The following ASTN2 variants were observed in gnomAD, a reference collection of about 807,000 sequenced individuals.
The protein encoded by ASTN2 is astrotactin-2.
ASTN2 carries 54 observed loss-of-function variants against 139.8 expected under a neutral mutation model. The observed-to-expected ratio is 0.39, with a 90% CI of 0.31 to 0.48. The LOEUF (loss-of-function observed/expected upper bound fraction) is 0.48, where lower values mean the gene tolerates loss of function less well. Ranked by LOEUF, ASTN2 falls within the 20% of genes least tolerant of loss-of-function variation. The pLI is 0.95. For missense variants in ASTN2, 1,565 were observed against 1,725.1 expected, an observed-to-expected ratio of 0.91 and a Z score of 1.64; for synonymous variants, 756 against 719.5, an observed-to-expected ratio of 1.05 and a Z score of -0.81.
In ASTN2 at chr9:116,725,679, G is replaced by A. The variant is rs1024601618; in HGVS notation, c.2806+92C>T. ...CACAGCTTAGACGTGGCAGAGCCAGGATTTAGATCCAAGGCAGCTCAGTTG... is the reference window on the plus strand; with the variant it reads ...CACAGCTTAGACGTGGCAGAGCCAGAATTTAGATCCAAGGCAGCTCAGTTG... On this transcript the variant is annotated intron_variant, in intron 16 of 22. Coordinates refer to ENST00000313400, the MANE Select transcript of ASTN2 (RefSeq NM_001365068.1). 3.0e-6 allele frequency: 4 copies of A among 1,343,430 alleles called. No individual in the cohort carries two copies. The African/African-American group carries it at 5.8e-5, about 20-fold the overall frequency. 83.2% of individuals were successfully genotyped at this position (1,343,430 alleles called of 1,614,324 possible).
chr9:116,620,237 C>T, intron 18 of ASTN2, 73 bp downstream of exon 18: 1 of 1,604,090 alleles, frequency 6.2e-7, no homozygotes, highest in Non-Finnish European at 8.5e-7. Flanking sequence ...CAAGTCATGG[C>T]ATGGGCTGGC....
chr9:116,700,026 T>A (rs1861095428), intron 16 of ASTN2: 2 of 396,448 alleles, frequency 5.0e-6, no homozygotes, highest in South Asian at 6.9e-5. Flanking sequence ...GTTTGAAATT[T>A]GCCCTTGTAT....
Position 116,803,522 on chromosome 9 carries a change from ATTTTTTTTTTT to A in ASTN2, c.2396+2099_2396+2109del, listed in dbSNP as rs1158429877. On this transcript the variant is annotated intron_variant, in intron 13 of 22. Transcript: ENST00000313400. ...TATATATATATATATATATATATAT[ATTTTTTTTTTT>A]TTTTTTTTTTAGACGGAGTCTCACT... 4.7e-4 allele frequency among the ~76,000 whole-genome samples: 10 copies of A among 21,132 alleles called. No homozygotes were observed. In the East Asian group the frequency reaches 5.1e-3, roughly 11 times the overall value. 13.9% of individuals were successfully genotyped at this position (21,132 alleles called of 152,430 possible). A position where few individuals can be genotyped will look rare whatever the true frequency, so the allele number is the denominator to read the frequency against.
intron 20 of ASTN2, among the ~76,000 whole-genome samples, chr9:116,453,493 C>CTGAGGTGGAA (rs1848234664): frequency 1.4e-5 from 2 of 141,356 alleles, no homozygotes; most frequent in African/African-American, 5.2e-5. Flanking sequence ...ACTTGGGAGG[C>CTGAGGTGGAA]TGAGGTGGAA....
chr9:116,982,295 ACAC>A (rs1836532647), intron 7 of ASTN2, among the ~76,000 whole-genome samples: 1 of 152,204 alleles, frequency 6.6e-6, no homozygotes, highest in Non-Finnish European at 1.5e-5. Context: ...AATGGAGCTG[ACAC>A]CATATGCCTG....
intron 11 of ASTN2, among the ~76,000 whole-genome samples, chr9:116,854,128 C>T (rs1832678986): frequency 6.6e-6 from 1 of 152,176 alleles, no homozygotes; most frequent in African/African-American, 2.4e-5. Flanking sequence ...TTTTCTCTGG[C>T]TCAGTTTTCC....
At chr9:117,086,804 A>G (rs988447047) in intron 5 of ASTN2, among the ~76,000 whole-genome samples, 1 of 152,130 alleles carries the variant, frequency 6.6e-6, no homozygotes. Context: ...TGGGTCCTCT[A>G]GCTAACCCTT....
chr9:116,975,020 A>T (rs540406850), intron 10 of ASTN2, among the ~76,000 whole-genome samples, 188 bp downstream of exon 10: 2 of 152,326 alleles, frequency 1.3e-5, no homozygotes, highest in South Asian at 4.1e-4. Context: ...ATAGTGTTGA[A>T]ACGTAAGGCA....
At chr9:116,767,221 C>T (rs1054229004) in intron 13 of ASTN2, among the ~76,000 whole-genome samples, 15 of 152,224 alleles carry the variant, frequency 9.9e-5, no homozygotes, top group African/African-American at 3.6e-4. Flanking sequence ...AGAATTGACT[C>T]AATGGGAACC....
chr9:117,269,282 G>C (rs1464505090), intron 2 of ASTN2, among the ~76,000 whole-genome samples: 1 of 152,234 alleles, frequency 6.6e-6, no homozygotes, highest in Non-Finnish European at 1.5e-5. Context: ...GCCCCCAGTT[G>C]AGAGACTATG....
At chr9:116,839,507 T>G (rs1832126168) in intron 11 of ASTN2, among the ~76,000 whole-genome samples, 1 of 151,774 alleles carries the variant, frequency 6.6e-6, no homozygotes, top group Non-Finnish European at 1.5e-5. Context: ...TGAGACAGAG[T>G]CTCGCTCTGT....
At chr9:116,741,989 G>A (rs983875928) in intron 13 of ASTN2, among the ~76,000 whole-genome samples, 5 of 151,984 alleles carry the variant, frequency 3.3e-5, no homozygotes, top group African/African-American at 1.2e-4. Flanking sequence ...TATTTGTCAG[G>A]CATTAGGAAT....
chr9:116,829,560 T>G (rs939015163), intron 11 of ASTN2, among the ~76,000 whole-genome samples: 1 of 152,040 alleles, frequency 6.6e-6, no homozygotes, highest in African/African-American at 2.4e-5. Flanking sequence ...CTTATAATCA[T>G]GAAGAGGAAA....
At chr9:116,757,802 A>T (rs1474796908) in intron 13 of ASTN2, among the ~76,000 whole-genome samples, 1 of 152,164 alleles carries the variant, frequency 6.6e-6, no homozygotes, top group Non-Finnish European at 1.5e-5. Flanking sequence ...GGCCCAGTGG[A>T]TGAGACCAAT....
At chr9:117,016,908 C>A (rs1837730922) in intron 6 of ASTN2, among the ~76,000 whole-genome samples, 1 of 151,016 alleles carries the variant, frequency 6.6e-6, no homozygotes, top group East Asian at 2.0e-4. Flanking sequence ...CAAATTTGCT[C>A]CAGGCAAATG....
At chr9:116,685,254 G>A (rs746695111) in intron 16 of ASTN2, among the ~76,000 whole-genome samples, 4 of 151,860 alleles carry the variant, frequency 2.6e-5, no homozygotes, top group Non-Finnish European at 4.4e-5. Flanking sequence ...AGACAGCTTC[G>A]ACTCCCTATG....
chr9:116,916,825 C>T (rs1008093987), intron 10 of ASTN2, among the ~76,000 whole-genome samples: 2 of 152,030 alleles, frequency 1.3e-5, no homozygotes, highest in African/African-American at 4.8e-5. Flanking sequence ...GGGTGAGACC[C>T]AGTCTCAAAA....
In ASTN2 at chr9:117,060,398, GAAA is replaced by G. The variant is rs1564406378; in HGVS notation, c.1277-20436_1277-20434del. ...AGAAAGAAAGAAAGAAAGAAAGAAA[GAAA>G]GAAAGAAAGAAGGAAAGGAAGGAAG... On this transcript the variant is annotated intron_variant, in intron 5 of 22. Coordinates refer to ENST00000313400, the MANE Select transcript of ASTN2 (RefSeq NM_001365068.1). Among the ~76,000 whole-genome samples the G allele has an allele frequency of 5.6e-3, 428 of 75,764 alleles. 14 individuals are homozygous for G. The highest frequency in any genetic ancestry group is 0.02 in the African/African-American group (298 of 14,702). 49.7% of individuals were successfully genotyped at this position (75,764 alleles called of 152,430 possible).
intron 19 of ASTN2, among the ~76,000 whole-genome samples, chr9:116,578,039 A>C (rs1853793309): frequency 6.6e-6 from 1 of 152,290 alleles, no homozygotes; most frequent in African/African-American, 2.4e-5. Context: ...TGAAGGCAAA[A>C]GATAATTATG....
Sources: gnomAD v4.1 joint callset for allele counts (sites outside exome capture counted in the v4.1 genomes callset) on GRCh38, gnomAD v4.1.1 for gene constraint, MANE v1.5 for transcripts, NCBI Gene and HGNC (gene_info 2026-07-23, HGNC 2026-07-21) for gene names.